Variants in HYDIN observed in about 807,000 individuals in gnomAD.
The protein encoded by HYDIN is axonemal central pair apparatus protein HYDIN.
A neutral mutation model predicts 403.9 loss-of-function variants in HYDIN; 132 were observed. The observed-to-expected ratio is 0.33, with a 90% confidence interval of 0.28 to 0.38. HYDIN has a LOEUF of 0.38. Among genes scored for constraint, HYDIN ranks in the 10% least tolerant of loss-of-function variants. HYDIN has a pLI of 1.00. For synonymous variants in HYDIN, 1,202 were observed against 1,891.7 expected (o/e 0.64, Z 9.46); for missense variants, 2,827 against 5,009.5 (o/e 0.56, Z 13.15).
At chr16:70,898,297 C>T (rs2076265618) in intron 53 of HYDIN, among the ~76,000 whole-genome samples, 1 of 152,168 alleles carries the variant, frequency 6.6e-6, no homozygotes, top group South Asian at 2.1e-4. Context: ...ACAGGAACCC[C>T]TGGACTCCCC....
intron 45 of HYDIN, among the ~76,000 whole-genome samples, chr16:70,931,493 GC>G (rs1275560394): frequency 6.6e-6 from 1 of 152,050 alleles, no homozygotes; most frequent in Non-Finnish European, 1.5e-5. Context: ...AGAGCCAGCA[GC>G]ATGAATGTGA....
rs1345766418 is a variant in HYDIN at position 70,955,566 on chromosome 16, G to A, written c.6143-18C>T. 1.6e-6 allele frequency: 2 copies of A among 1,228,958 alleles called. No individual in the cohort carries two copies. The highest frequency in any genetic ancestry group is 3.0e-5 in the African/African-American group (2 of 66,888). 76.1% of individuals were successfully genotyped at this position (1,228,958 alleles called of 1,614,324 possible). ...TGACTTTCCTATTAAAAAGACCAGG[G>A]GGTTGAATTTCACGGTGCTCATTTG... On this transcript the variant is annotated intron_variant, in intron 39 of 85. Coordinates refer to ENST00000393567, the MANE Select transcript of HYDIN (RefSeq NM_001270974.2).
chr16:71,090,483 T>A (rs1259989348), intron 11 of HYDIN: 1 of 152,206 alleles, frequency 6.6e-6, no homozygotes, highest in Non-Finnish European at 1.5e-5. Flanking sequence ...GAGACTGTTA[T>A]GTTTTCGTTT....
chr16:70,901,527 G>A lies in HYDIN; in HGVS notation c.8850-325C>T, dbSNP rs557494726. On this transcript the variant is annotated intron_variant, in intron 52 of 85. Transcript: ENST00000393567. The stretch of plus-strand genomic sequence containing the variant: ...GAGAACATGGGGTATTTGGTTTTCC[G>A]TTCCTGCATTAGTTTGCTAAGGATA... 3.5e-4 allele frequency among the ~76,000 whole-genome samples: 52 copies of A among 149,842 alleles called. No individual in the cohort carries two copies. In the South Asian group the frequency reaches 9.5e-3, roughly 27 times the overall value.
At chr16:71,026,353 G>C (rs1451502000) in intron 20 of HYDIN, among the ~76,000 whole-genome samples, 2 of 152,140 alleles carry the variant, frequency 1.3e-5, no homozygotes, top group Admixed American at 6.5e-5. Flanking sequence ...TCAGGTTAGG[G>C]ATGTTAATGC....
chr16:71,063,868 T>C (rs539860264), intron 16 of HYDIN, among the ~76,000 whole-genome samples: 1 of 151,522 alleles, frequency 6.6e-6, no homozygotes, highest in South Asian at 2.1e-4. Context: ...AAAAATACAA[T>C]GACAACATCT....
intron 18 of HYDIN, among the ~76,000 whole-genome samples, chr16:71,043,914 C>T (rs1297422140): frequency 7.0e-6 from 1 of 143,322 alleles, no homozygotes; most frequent in Non-Finnish European, 1.5e-5. Flanking sequence ...AATAGTGAGA[C>T]CTCATCTAAA....
At chr16:71,073,322 T>C (rs1213980351) in intron 13 of HYDIN, among the ~76,000 whole-genome samples, 3 of 152,328 alleles carry the variant, frequency 2.0e-5, no homozygotes, top group Middle Eastern at 6.8e-3. Flanking sequence ...CTTACTGTTA[T>C]TGACAAGTTG....
intron 19 of HYDIN, among the ~76,000 whole-genome samples, chr16:71,028,666 T>C (rs1215088896): frequency 1.3e-5 from 2 of 151,596 alleles, no homozygotes; most frequent in Non-Finnish European, 3.0e-5. Context: ...GGCTTTGAGA[T>C]TTCATCCCAT....
At chr16:71,003,848 C>G (rs1220333274) in intron 23 of HYDIN, among the ~76,000 whole-genome samples, 1 of 151,688 alleles carries the variant, frequency 6.6e-6, no homozygotes, top group Non-Finnish European at 1.5e-5. Flanking sequence ...TCAATCCATC[C>G]TCCTCACTCG....
At chr16:71,206,173 G>A (rs1223570663) in intron 1 of HYDIN, among the ~76,000 whole-genome samples, 12 of 152,116 alleles carry the variant, frequency 7.9e-5, no homozygotes, top group Admixed American at 6.5e-4. Flanking sequence ...ACACAACCCT[G>A]TGTTTCCCCA....
At position 70,920,615 on chromosome 16, in the gene HYDIN, G is replaced by A. The variant is rs140107832; in HGVS notation, c.7761C>T (p.Ser2587=). 1.0e-3 allele frequency: 1,694 copies of A among 1,613,490 alleles called. 9 individuals are homozygous for A. The African/African-American group carries it at 0.02, about 19-fold the overall frequency. The change falls in exon 46 of 86, where the codon AGC becomes AGT. Residue 2587 remains serine, a synonymous_variant. Transcript: ENST00000393567. ...EGLSWKQALE[S]DKLPKGEQIL... ...CCTGCTCTCCTTTGGGAAGCTTGTC[G>A]CTCTCTAGGGCCTGCTTCCAGCTCA...
At chr16:71,104,154 G>A (rs866013384) in intron 10 of HYDIN, among the ~76,000 whole-genome samples, 88 of 150,516 alleles carry the variant, frequency 5.8e-4, no homozygotes, top group African/African-American at 2.0e-3. Context: ...CTCCAGCATC[G>A]TCTCCACAGA....
intron 1 of HYDIN, among the ~76,000 whole-genome samples, chr16:71,189,045 A>C (rs2087291753): frequency 1.3e-5 from 2 of 152,244 alleles, no homozygotes; most frequent in Admixed American, 6.5e-5. Context: ...GAAAGGAAGA[A>C]ACTACATTAT....
chr16:70,824,650 G>A (rs2036475055), intron 83 of HYDIN, among the ~76,000 whole-genome samples: 3 of 148,732 alleles, frequency 2.0e-5, no homozygotes. Flanking sequence ...GCCTCAATAT[G>A]GGGTTTCACC....
chr16:71,212,286 T>C (rs2088634602), intron 1 of HYDIN, among the ~76,000 whole-genome samples: 1 of 152,210 alleles, frequency 6.6e-6, no homozygotes, highest in South Asian at 2.1e-4. Flanking sequence ...CTAATGTATA[T>C]AAGGGATAAG....
Position 71,136,766 on chromosome 16 carries a change from CAA to C in HYDIN, c.1043+383_1043+384del, listed in dbSNP as rs72061209. 2.7e-3 allele frequency among the ~76,000 whole-genome samples: 277 copies of C among 101,394 alleles called. 1 individual carries two copies. The highest frequency in any genetic ancestry group is 0.011 in the Middle Eastern group (2 of 184). 66.5% of individuals were successfully genotyped at this position (101,394 alleles called of 152,430 possible). A position where few individuals can be genotyped will look rare whatever the true frequency, so the allele number is the denominator to read the frequency against. ...CTGGCGACAGTACGAGACTCCATCT[CAA>C]AAAAAAAAAAAACAAAAAAAACAAA... On this transcript the variant is annotated intron_variant, in intron 8 of 85. Coordinates refer to ENST00000393567, the MANE Select transcript of HYDIN (RefSeq NM_001270974.2).
intron 1 of HYDIN, among the ~76,000 whole-genome samples, chr16:71,194,170 T>G (rs2087575729): frequency 6.6e-6 from 1 of 152,148 alleles, no homozygotes; most frequent in South Asian, 2.1e-4. Flanking sequence ...CCCAGCACTT[T>G]GGGAGGCTGA....
chr16:70,950,651 T>C (rs1426671054), intron 41 of HYDIN, among the ~76,000 whole-genome samples: 1 of 151,798 alleles, frequency 6.6e-6, no homozygotes, highest in East Asian at 2.0e-4. Flanking sequence ...ATCCATCTGC[T>C]CTTCCCAGTG....
Sources: gnomAD v4.1 joint callset for allele counts (sites outside exome capture counted in the v4.1 genomes callset) on GRCh38, gnomAD v4.1.1 for gene constraint, MANE v1.5 for transcripts, NCBI Gene and HGNC (gene_info 2026-07-23, HGNC 2026-07-21) for gene names.